Variants in ANKS1B observed in about 807,000 individuals in gnomAD.
ANKS1B encodes ankyrin repeat and sterile alpha motif domain containing 1B.
In ANKS1B, 36 loss-of-function variants were observed where a neutral mutation model predicts 148.3. The observed-to-expected ratio is 0.24, with a 90% CI of 0.19 to 0.32. ANKS1B has a LOEUF of 0.32. Among genes scored for constraint, ANKS1B ranks in the 10% least tolerant of loss-of-function variants. ANKS1B has a pLI of 1.00. For synonymous variants in ANKS1B, 542 were observed against 560.8 expected (o/e 0.97, Z 0.47); for missense variants, 1,157 against 1,542.6 (o/e 0.75, Z 4.19).
intron 1 of ANKS1B, 83 bp from the exon 2 acceptor site, chr12:99,825,472 G>A (rs1245116524): frequency 2.0e-6 from 2 of 1,012,904 alleles, no homozygotes; most frequent in Admixed American, 2.3e-5. Flanking sequence ...TAGCCCCACA[G>A]TCAGCAGCAG....
At chr12:98,784,872 G>T (rs1421953122) in intron 22 of ANKS1B, among the ~76,000 whole-genome samples, 3 of 152,196 alleles carry the variant, frequency 2.0e-5, no homozygotes, top group Non-Finnish European at 4.4e-5. Flanking sequence ...GATGCAGGCT[G>T]TGCACAGGCC....
intron 8 of ANKS1B, among the ~76,000 whole-genome samples, chr12:99,726,514 C>A (rs981169015): frequency 2.0e-5 from 3 of 151,950 alleles, no homozygotes; most frequent in Non-Finnish European, 4.4e-5. Context: ...CCAAGAAAAG[C>A]CCAGGACCAG....
intron 14 of ANKS1B, among the ~76,000 whole-genome samples, chr12:99,187,949 T>C (rs1055916606): frequency 1.3e-5 from 2 of 151,928 alleles, no homozygotes; most frequent in Admixed American, 1.3e-4. Context: ...AGGAGACCCA[T>C]CTCATGTGCA....
intron 10 of ANKS1B, among the ~76,000 whole-genome samples, chr12:99,485,556 C>G (rs1007797345): frequency 2.0e-5 from 3 of 152,062 alleles, no homozygotes; most frequent in Admixed American, 1.3e-4. Flanking sequence ...CTAGCTAGAC[C>G]AGGGAAGTTT....
intron 17 of ANKS1B, among the ~76,000 whole-genome samples, chr12:98,965,189 A>G (rs1199315305): frequency 6.6e-6 from 1 of 152,182 alleles, no homozygotes; most frequent in African/African-American, 2.4e-5. Context: ...ACATTGTTCC[A>G]GGTGCTAGGA....
intron 14 of ANKS1B, chr12:99,155,159 A>G: frequency 2.1e-6 from 3 of 1,438,300 alleles, no homozygotes; most frequent in East Asian, 2.5e-5. Context: ...ACTATAGCTT[A>G]TAACAGAGCT....
At chr12:99,518,959 CCTT>C (rs2096849131) in intron 9 of ANKS1B, among the ~76,000 whole-genome samples, 1 of 151,940 alleles carries the variant, frequency 6.6e-6, no homozygotes, top group Non-Finnish European at 1.5e-5. Context: ...TTTTCAATTT[CCTT>C]CTTAATTTCT....
chr12:99,979,479 C>T (rs1422140348), intron 1 of ANKS1B, among the ~76,000 whole-genome samples: 1 of 152,034 alleles, frequency 6.6e-6, no homozygotes, highest in Non-Finnish European at 1.5e-5. Context: ...CTATTGAGAA[C>T]CATTTTCAAA....
At chr12:98,837,887 T>A (rs1474439901) in intron 17 of ANKS1B, among the ~76,000 whole-genome samples, 1 of 152,184 alleles carries the variant, frequency 6.6e-6, no homozygotes, top group Admixed American at 6.5e-5. Context: ...ACATTTTGAT[T>A]ATAATAGCTA....
At chr12:99,429,142 G>GAAACAAACAAAC (rs373490843) in intron 11 of ANKS1B, among the ~76,000 whole-genome samples, 68 of 151,998 alleles carry the variant, frequency 4.5e-4, no homozygotes, top group African/African-American at 1.6e-3. Context: ...TTTCAGAAGA[G>GAAACAAACAAAC]AAACAAACAA....
intron 9 of ANKS1B, among the ~76,000 whole-genome samples, chr12:99,636,148 T>C (rs1230164904): frequency 6.6e-6 from 1 of 152,148 alleles, no homozygotes; most frequent in Non-Finnish European, 1.5e-5. Context: ...ATATATTTGA[T>C]CTAGAATATA....
intron 17 of ANKS1B, chr12:98,895,326 C>A (rs959106005): frequency 1.0e-6 from 1 of 984,746 alleles, no homozygotes; most frequent in Admixed American, 6.1e-5. Flanking sequence ...CCTCCGCGCA[C>A]TCCGGGAGGC....
At chr12:99,543,203 C>T (rs1426086385) in intron 9 of ANKS1B, among the ~76,000 whole-genome samples, 1 of 151,814 alleles carries the variant, frequency 6.6e-6, no homozygotes, top group Non-Finnish European at 1.5e-5. Flanking sequence ...CTACAAATGG[C>T]CAATAAGCAC....
chr12:98,892,851 G>A (rs915332636), intron 17 of ANKS1B, among the ~76,000 whole-genome samples: 3 of 152,024 alleles, frequency 2.0e-5, no homozygotes, highest in Middle Eastern at 6.3e-3. Flanking sequence ...GTTGTCTCCC[G>A]TTTCTACACA....
chr12:99,836,664 T>G (rs542189261), intron 1 of ANKS1B, among the ~76,000 whole-genome samples: 2 of 151,826 alleles, frequency 1.3e-5, no homozygotes, highest in Non-Finnish European at 1.5e-5. Flanking sequence ...AAACACAGAG[T>G]CAAGAGACAT....
intron 10 of ANKS1B, among the ~76,000 whole-genome samples, chr12:99,460,264 T>C (rs2095930819): frequency 6.6e-6 from 1 of 152,042 alleles, no homozygotes; most frequent in African/African-American, 2.4e-5. Context: ...AAAAATCAAC[T>C]CAAGATGGAT....
chr12:99,650,076 AT>A (rs1004786456), intron 9 of ANKS1B: 3 of 152,490 alleles, frequency 2.0e-5, no homozygotes, highest in Admixed American at 2.0e-4. Flanking sequence ...CATATGCTCT[AT>A]TGACAGGAAG....
chr12:99,214,017 T>A (rs2083754497), intron 14 of ANKS1B, among the ~76,000 whole-genome samples: 1 of 151,968 alleles, frequency 6.6e-6, no homozygotes, highest in Non-Finnish European at 1.5e-5. Context: ...GAAAATTGAG[T>A]CTACTCAGAA....
chr12:98,753,137 G>A (rs2098136430), intron 25 of ANKS1B, among the ~76,000 whole-genome samples: 1 of 152,216 alleles, frequency 6.6e-6, no homozygotes. Context: ...CAGCGCCTGG[G>A]AGAAAAGTTC....
Sources: gnomAD v4.1 joint callset for allele counts (sites outside exome capture counted in the v4.1 genomes callset) on GRCh38, gnomAD v4.1.1 for gene constraint, MANE v1.5 for transcripts, NCBI Gene and HGNC (gene_info 2026-07-23, HGNC 2026-07-21) for gene names.